Variants in BTRC observed in about 807,000 individuals in gnomAD.
The protein encoded by BTRC is beta-transducin repeat containing E3 ubiquitin protein ligase, also known as F-box/WD repeat-containing protein 1A.
A neutral mutation model predicts 85.5 loss-of-function variants in BTRC; 42 were observed. That is an observed-to-expected ratio of 0.49 (90% CI 0.38 to 0.64). The LOEUF (loss-of-function observed/expected upper bound fraction) is 0.64, where lower values mean the gene tolerates loss of function less well. Among genes scored for constraint, BTRC ranks in the 30% least tolerant of loss-of-function variants. BTRC has a pLI of 0.00. For synonymous variants in BTRC, 255 were observed against 263.3 expected (o/e 0.97, Z 0.30); for missense variants, 594 against 743.5 (o/e 0.80, Z 2.34).
chr10:101,383,196 T>TG (rs1194875459), intron 1 of BTRC, among the ~76,000 whole-genome samples: 1 of 151,616 alleles, frequency 6.6e-6, no homozygotes, highest in Non-Finnish European at 1.5e-5. Flanking sequence ...CCTTAGTAGC[T>TG]GGGACTACAG....
chr10:101,366,928 T>TAA (rs1942437599), intron 1 of BTRC, among the ~76,000 whole-genome samples: 4 of 13,594 alleles, frequency 2.9e-4, no homozygotes, highest in East Asian at 3.6e-3. Flanking sequence ...TTATATATAT[T>TAA]TATATATATT....
chr10:101,371,186 G>T (rs1942625009), intron 1 of BTRC, among the ~76,000 whole-genome samples: 2 of 149,444 alleles, frequency 1.3e-5, no homozygotes, highest in Admixed American at 6.7e-5. Context: ...TTTGTTTGGT[G>T]TTTTTTTTTT....
intron 3 of BTRC, among the ~76,000 whole-genome samples, chr10:101,475,225 T>G (rs1945645786): frequency 6.6e-6 from 1 of 152,194 alleles, no homozygotes; most frequent in Non-Finnish European, 1.5e-5. Flanking sequence ...AGTTGGTAAA[T>G]TTTTTAAGGT....
At chr10:101,427,422 C>A (rs1408834110) in intron 1 of BTRC, among the ~76,000 whole-genome samples, 1 of 150,612 alleles carries the variant, frequency 6.6e-6, no homozygotes, top group Non-Finnish European at 1.5e-5. Context: ...AGCCTGTGTA[C>A]AGCATTTCTT....
rs564594608 is a variant in BTRC, at chr10:101,492,997, G to A, written c.324+13540G>A. Reference sequence around the variant, plus strand: ...TTAGTCAGCAGTTTAGGTTGCTGTTGATTGCAAATTACTAGTATTATTTAG... The same window carrying A: ...TTAGTCAGCAGTTTAGGTTGCTGTTAATTGCAAATTACTAGTATTATTTAG... On this transcript the variant is annotated intron_variant, in intron 4 of 14. Coordinates refer to ENST00000370187, the MANE Select transcript of BTRC (RefSeq NM_033637.4). Among the ~76,000 whole-genome samples, 128 of 152,280 alleles carry A rather than the reference G, an allele frequency of 8.4e-4. 2 individuals are homozygous for A. The highest frequency in any genetic ancestry group is 3.0e-3 in the African/African-American group (126 of 41,564).
intron 1 of BTRC, among the ~76,000 whole-genome samples, chr10:101,361,130 G>C (rs1041560519): frequency 1.3e-5 from 2 of 151,366 alleles, no homozygotes; most frequent in Non-Finnish European, 1.5e-5. Flanking sequence ...TTTTTGAGAC[G>C]GAGTCTCGCT....
chr10:101,475,953 A>ATATATATATATAT (rs1265691229), intron 3 of BTRC, among the ~76,000 whole-genome samples: 3 of 133,806 alleles, frequency 2.2e-5, no homozygotes, highest in Non-Finnish European at 3.2e-5. Flanking sequence ...ATATATATAT[A>ATATATATATATAT]TTCAGTAATT....
chr10:101,476,722 G>C (rs1426939734), intron 3 of BTRC, among the ~76,000 whole-genome samples: 1 of 151,954 alleles, frequency 6.6e-6, no homozygotes, highest in Non-Finnish European at 1.5e-5. Flanking sequence ...GGGATTATAG[G>C]CATGAGCCAC....
At chr10:101,490,370 G>A (rs962329305) in intron 4 of BTRC, among the ~76,000 whole-genome samples, 1 of 152,110 alleles carries the variant, frequency 6.6e-6, no homozygotes, top group African/African-American at 2.4e-5. Context: ...GCACTATATA[G>A]TGCTAGCTAT....
intron 13 of BTRC, among the ~76,000 whole-genome samples, chr10:101,547,868 G>A (rs1416996516): frequency 6.6e-6 from 1 of 152,168 alleles, no homozygotes; most frequent in Non-Finnish European, 1.5e-5. Flanking sequence ...ATCAATCAGT[G>A]TAATCCATCA....
At chr10:101,426,674 G>A (rs954191757) in intron 1 of BTRC, among the ~76,000 whole-genome samples, 3 of 152,044 alleles carry the variant, frequency 2.0e-5, no homozygotes, top group African/African-American at 4.8e-5. Context: ...TATGTAAAAC[G>A]GAGGAGACAA....
chr10:101,442,889 C>CTTTTTTT (rs755689728), intron 2 of BTRC, among the ~76,000 whole-genome samples: 1 of 122,374 alleles, frequency 8.2e-6, no homozygotes, highest in Non-Finnish European at 1.7e-5. Flanking sequence ...CTCACTTGCT[C>CTTTTTTT]TTTTTTTTTT....
chr10:101,430,974 T>A (rs911922049), intron 2 of BTRC, among the ~76,000 whole-genome samples: 6 of 151,880 alleles, frequency 4.0e-5, no homozygotes, highest in African/African-American at 1.5e-4. Context: ...AATTTCTAGG[T>A]GGAAAAACCT....
At chr10:101,491,668 G>T (rs1053630949) in intron 4 of BTRC, among the ~76,000 whole-genome samples, 4 of 151,838 alleles carry the variant, frequency 2.6e-5, no homozygotes, top group African/African-American at 7.3e-5. Flanking sequence ...CTGCACTCCA[G>T]CCTGGGTGAC....
chr10:101,431,096 A>G (rs1216937702), intron 2 of BTRC, among the ~76,000 whole-genome samples: 1 of 34,012 alleles, frequency 2.9e-5, no homozygotes, highest in East Asian at 5.7e-4. Flanking sequence ...TTTTTTTTTG[A>G]GACGGAGTCT....
intron 3 of BTRC, among the ~76,000 whole-genome samples, chr10:101,469,551 G>C (rs1311769146): frequency 2.6e-5 from 4 of 152,120 alleles, no homozygotes; most frequent in Non-Finnish European, 4.4e-5. Flanking sequence ...CAGAAAAATA[G>C]CATGATACAT....
chr10:101,473,531 T>C (rs1286290417), intron 3 of BTRC, among the ~76,000 whole-genome samples: 1 of 138,584 alleles, frequency 7.2e-6, no homozygotes, highest in Non-Finnish European at 1.5e-5. Context: ...AGAACAGTGG[T>C]GCAATCTCAG....
intron 1 of BTRC, among the ~76,000 whole-genome samples, chr10:101,357,021 C>G (rs1244795812): frequency 6.6e-6 from 1 of 151,540 alleles, no homozygotes; most frequent in African/African-American, 2.4e-5. Flanking sequence ...CCCAGCTACT[C>G]GGGAGGCTGA....
rs2062717481 is a variant in BTRC at position 101,555,853 on chromosome 10, A to G, written c.*2730A>G. 1 of 152,236 alleles carries G rather than the reference A, an allele frequency of 6.6e-6. No homozygotes were observed. The highest frequency in any genetic ancestry group is 6.5e-5 in the Admixed American group (1 of 15,276). 9.4% of individuals were successfully genotyped at this position (152,236 alleles called of 1,614,324 possible). On this transcript the variant is annotated 3_prime_UTR_variant, in exon 15 of 15. Transcript: ENST00000370187. ...CCTAAAGGAAACCTTTCTTAAAGACAGGCTGAAACCCCTTCAAAGGCAGAT... is the reference window on the plus strand; with the variant it reads ...CCTAAAGGAAACCTTTCTTAAAGACGGGCTGAAACCCCTTCAAAGGCAGAT...
Sources: gnomAD v4.1 joint callset for allele counts (sites outside exome capture counted in the v4.1 genomes callset) on GRCh38, gnomAD v4.1.1 for gene constraint, MANE v1.5 for transcripts, NCBI Gene and HGNC (gene_info 2026-07-23, HGNC 2026-07-21) for gene names.